Variants in FSTL5 observed in about 807,000 individuals in gnomAD.
FSTL5 encodes follistatin-related protein 5.
FSTL5 carries 62 observed loss-of-function variants against 89.1 expected under a neutral mutation model. The ratio of observed to expected loss-of-function variants is 0.70; its 90% CI spans 0.57 to 0.86. FSTL5 has a LOEUF of 0.86. Among genes scored for constraint, FSTL5 ranks in the 40% least tolerant of loss-of-function variants. The probability of loss-of-function intolerance (pLI) is 0.00; values close to 1 mark genes in which losing one functional copy is unlikely to be tolerated. For synonymous variants in FSTL5, 383 were observed against 346.2 expected, an observed-to-expected ratio of 1.11 and a Z score of -1.18; for missense variants, 1,057 against 1,001.6, an observed-to-expected ratio of 1.06 and a Z score of -0.75.
At chr4:161,563,075 C>T (rs1042675527) in intron 8 of FSTL5, among the ~76,000 whole-genome samples, 1 of 151,872 alleles carries the variant, frequency 6.6e-6, no homozygotes, top group Admixed American at 6.6e-5. Context: ...GCTGTGTCCC[C>T]GCATTCAAAA....
At chr4:162,084,025 C>A (rs1730207098) in intron 2 of FSTL5, among the ~76,000 whole-genome samples, 1 of 151,714 alleles carries the variant, frequency 6.6e-6, no homozygotes, top group South Asian at 2.1e-4. Context: ...AAAAGAATAT[C>A]AAATAGGCAG....
intron 4 of FSTL5, among the ~76,000 whole-genome samples, chr4:161,891,575 G>C (rs1315498611): frequency 6.6e-6 from 1 of 152,052 alleles, no homozygotes; most frequent in Non-Finnish European, 1.5e-5. Flanking sequence ...TGAATTTCTG[G>C]CTAAATCACA....
At position 161,656,881 on chromosome 4, in the gene FSTL5, T is replaced by A. The variant is rs188880820; in HGVS notation, c.728-387A>T. ...GATTTATACTGTAGGTTAGGTGAGA[T>A]CACTGCTGGCTTGCAGTAGACGGTA... On this transcript the variant is annotated intron_variant, in intron 6 of 15. Coordinates refer to ENST00000306100, the MANE Select transcript of FSTL5 (RefSeq NM_020116.5). Among the ~76,000 whole-genome samples the A allele has an allele frequency of 6.9e-4, 84 of 122,088 alleles. 1 individual carries two copies. Among genetic ancestry groups the A allele is most frequent in the Non-Finnish European group, 1.3e-3 (70 of 55,254 alleles). The allele number at this position is 122,088 out of a possible 152,430, so 80.1% of individuals were successfully genotyped here.
intron 4 of FSTL5, among the ~76,000 whole-genome samples, chr4:161,910,435 A>G (rs1292682261): frequency 6.6e-6 from 1 of 152,150 alleles, no homozygotes; most frequent in Non-Finnish European, 1.5e-5. Flanking sequence ...CACAAATGAC[A>G]CTTTCTTTTG....
chr4:162,092,230 A>G (rs1183751454), intron 2 of FSTL5, among the ~76,000 whole-genome samples: 3 of 152,172 alleles, frequency 2.0e-5, no homozygotes, highest in East Asian at 3.9e-4. Context: ...CTGCATGTTT[A>G]TATGTTTCCA....
intron 8 of FSTL5, among the ~76,000 whole-genome samples, chr4:161,549,392 A>G (rs1432960161): frequency 6.6e-6 from 1 of 151,818 alleles, no homozygotes; most frequent in African/African-American, 2.4e-5. Flanking sequence ...TATGATATAT[A>G]TGATTAATAA....
At chr4:161,646,324 A>G (rs1736153739) in intron 7 of FSTL5, among the ~76,000 whole-genome samples, 1 of 150,402 alleles carries the variant, frequency 6.6e-6, no homozygotes, top group Admixed American at 6.6e-5. Context: ...ACTTTTAAGT[A>G]GAAAAGTTGT....
At chr4:161,671,366 C>T (rs987477622) in intron 6 of FSTL5, among the ~76,000 whole-genome samples, 3 of 152,150 alleles carry the variant, frequency 2.0e-5, no homozygotes, top group African/African-American at 4.8e-5. Context: ...CAGCCATACC[C>T]GTTTCTTACT....
chr4:161,537,815 A>G (rs1291541990), intron 10 of FSTL5, among the ~76,000 whole-genome samples: 1 of 152,170 alleles, frequency 6.6e-6, no homozygotes, highest in Non-Finnish European at 1.5e-5. Context: ...CCTAGAAGAT[A>G]CACATTGGAT....
Position 161,990,928 on chromosome 4 carries a change from C to T in FSTL5, c.160+42697G>A, listed in dbSNP as rs147325524. On this transcript the variant is annotated intron_variant, in intron 3 of 15. Transcript: ENST00000306100. ...TGTGCATGTCCAAACTTGCTGTCTCCACTCACCTGAAGATTAAAACACAGC... is the reference window on the plus strand; with the variant it reads ...TGTGCATGTCCAAACTTGCTGTCTCTACTCACCTGAAGATTAAAACACAGC... Among the ~76,000 whole-genome samples the T allele has an allele frequency of 3.5e-3, 530 of 152,062 alleles. 6 individuals are homozygous for T. Among genetic ancestry groups the T allele is most frequent in the Admixed American group, 3.8e-3 (58 of 15,264 alleles).
At chr4:161,629,332 T>G (rs2126653984) in intron 7 of FSTL5, among the ~76,000 whole-genome samples, 1 of 152,080 alleles carries the variant, frequency 6.6e-6, no homozygotes, top group East Asian at 1.9e-4. Context: ...TCAATGAAGT[T>G]ATAGTAAATT....
intron 3 of FSTL5, among the ~76,000 whole-genome samples, chr4:162,017,244 AT>A (rs1736940367): frequency 6.6e-6 from 1 of 152,142 alleles, no homozygotes; most frequent in African/African-American, 2.4e-5. Context: ...CATCATGTAG[AT>A]TATCTGCAAG....
chr4:161,910,003 G>A (rs1032411709), intron 4 of FSTL5, among the ~76,000 whole-genome samples: 2 of 152,052 alleles, frequency 1.3e-5, no homozygotes, highest in Non-Finnish European at 2.9e-5. Context: ...TAATGAGCTT[G>A]GTATCTCATT....
chr4:161,769,373 G>A (rs1017003705), intron 5 of FSTL5, among the ~76,000 whole-genome samples: 1 of 151,674 alleles, frequency 6.6e-6, no homozygotes, highest in African/African-American at 2.4e-5. Flanking sequence ...ACCAGAAAAA[G>A]GTATATCAAA....
chr4:161,787,900 T>G (rs903021970), intron 4 of FSTL5, among the ~76,000 whole-genome samples: 4 of 152,154 alleles, frequency 2.6e-5, no homozygotes, highest in Non-Finnish European at 5.9e-5. Flanking sequence ...TTAATTTGCC[T>G]TTTCTCAAGT....
intron 10 of FSTL5, among the ~76,000 whole-genome samples, chr4:161,534,206 C>A (rs1000337734): frequency 6.6e-6 from 1 of 152,096 alleles, no homozygotes; most frequent in Non-Finnish European, 1.5e-5. Flanking sequence ...TCCTATTCAA[C>A]ATAGTACTGG....
chr4:161,549,560 T>C lies in FSTL5; in HGVS notation c.1016-6867A>G, dbSNP rs187125430. Among the ~76,000 whole-genome samples, 7 of 151,960 alleles carry C rather than the reference T, an allele frequency of 4.6e-5. No homozygotes were observed. In the East Asian group the frequency reaches 1.4e-3, roughly 30 times the overall value. ...CTTTCTGACATTTACAATTTAGCAT[T>C]TGCTATTTAAAATGGCCATGAGAGT... is the stretch of plus-strand genomic sequence containing the variant. On this transcript the variant is annotated intron_variant, in intron 8 of 15. Transcript: ENST00000306100.
intron 13 of FSTL5, among the ~76,000 whole-genome samples, chr4:161,464,665 A>G (rs1362765568): frequency 1.3e-5 from 2 of 152,202 alleles, no homozygotes; most frequent in African/African-American, 4.8e-5. Context: ...AATAATACTT[A>G]GTGAAATAGT....
At chr4:161,781,888 C>T (rs113374558) in intron 4 of FSTL5, among the ~76,000 whole-genome samples, 8 of 152,242 alleles carry the variant, frequency 5.3e-5, no homozygotes, top group African/African-American at 1.9e-4. Context: ...ATCCTCTGTA[C>T]TCCATCTATT....
Sources: allele counts gnomAD v4.1 joint callset (sites outside exome capture counted in the v4.1 genomes callset), GRCh38; gene constraint gnomAD v4.1.1; transcripts MANE v1.5; gene names NCBI Gene and HGNC (gene_info 2026-07-23, HGNC 2026-07-21).